PPM1D: variants seen among roughly 807,000 people sequenced by gnomAD.
PPM1D encodes protein phosphatase, Mg2+/Mn2+ dependent 1D.
Under a neutral mutation model 58.3 loss-of-function variants are expected in PPM1D, and 52 were observed. The observed-to-expected ratio is 0.89, with a 90% CI of 0.71 to 1.12. The LOEUF (loss-of-function observed/expected upper bound fraction) is 1.12, where lower values mean the gene tolerates loss of function less well. Ranked by LOEUF, PPM1D falls within the 50% of genes most tolerant of loss-of-function variation. PPM1D has a pLI of 0.00. For synonymous variants in PPM1D, 278 were observed against 285.1 expected (o/e 0.98, Z 0.25); for missense variants, 564 against 777.2 (o/e 0.73, Z 3.26).
In PPM1D at chr17:60,648,061, A is replaced by G; in HGVS notation, c.996A>G (p.Gln332=). Residue 332 remains glutamine (Q), a synonymous_variant, in exon 4 of 6, where the codon CAA becomes CAG. Transcript: ENST00000305921. ...ATGCCATCTCAATGTGCCAGGACCA[A>G]GAGGAGAAAAAATACCTGATGGTGA... ...PQDAISMCQD[Q]EEKKYLMGEH... is the part of the protein sequence containing the mutation. 6.2e-7 allele frequency: 1 copy of G among 1,609,836 alleles called. No homozygotes were observed. The highest frequency in any genetic ancestry group is 1.1e-5 in the South Asian group (1 of 90,168).
At chr17:60,657,117 T>C (rs532441092) in intron 5 of PPM1D, 2 of 1,248,436 alleles carry the variant, frequency 1.6e-6, no homozygotes, top group African/African-American at 3.0e-5. Context: ...CATTTAGAAG[T>C]TTGTGAAGCA....
intron 4 of PPM1D, 134 bp from the exon 5 acceptor site, chr17:60,656,465 A>T: frequency 8.5e-6 from 10 of 1,180,346 alleles, no homozygotes; most frequent in Non-Finnish European, 9.3e-6. Flanking sequence ...AAAAAAAAAA[A>T]GAGAAAAGAA....
intron 1 of PPM1D, among the ~76,000 whole-genome samples, chr17:60,619,069 G>A (rs1011388125): frequency 2.6e-5 from 4 of 152,110 alleles, no homozygotes; most frequent in South Asian, 2.1e-4. Context: ...CCTGGCAACC[G>A]TCCTTCTACT....
intron 4 of PPM1D, among the ~76,000 whole-genome samples, chr17:60,649,735 G>A (rs919072921): frequency 6.6e-6 from 1 of 151,920 alleles, no homozygotes; most frequent in African/African-American, 2.4e-5. Flanking sequence ...AACATACTAG[G>A]TACTAGGTAC....
At position 60,600,455 on chromosome 17, in the gene PPM1D, A is replaced by G; in HGVS notation, c.41A>G (p.Asp14Gly). Residue 14 changes from aspartate (D) to glycine (G), a missense_variant, in exon 1 of 6, where the codon GAC becomes GGC. This residue lies in a region of PPM1D where 132 missense variants were observed against 150.4 expected (regional missense o/e 0.88). Coordinates refer to ENST00000305921, the MANE Select transcript of PPM1D (RefSeq NM_003620.4). ...TCGCTGGGAGTGAGCGTCTTCTCCG[A>G]CCAGGGCGGGAGGAAGTACATGGAG... is the stretch of plus-strand genomic sequence containing the variant. Reference protein sequence around the residue: ...LYSLGVSVFSDQGGRKYMEDV... With the variant: ...LYSLGVSVFSGQGGRKYMEDV... The G allele has an allele frequency of 6.4e-7, 1 of 1,567,302 alleles. No homozygotes were observed. Among genetic ancestry groups the G allele is most frequent in the Non-Finnish European group, 8.7e-7 (1 of 1,156,068 alleles).
At chr17:60,633,747 T>C in intron 2 of PPM1D, 106 bp from the exon 3 acceptor site, 1 of 1,189,354 alleles carries the variant, frequency 8.4e-7, no homozygotes, top group Non-Finnish European at 1.2e-6. Flanking sequence ...TAAGACATTA[T>C]TTTGTAATAA....
chr17:60,619,797 G>A (rs957136515), intron 1 of PPM1D, among the ~76,000 whole-genome samples: 1 of 151,826 alleles, frequency 6.6e-6, no homozygotes, highest in Non-Finnish European at 1.5e-5. Context: ...GATGGGTCTC[G>A]TTATGTTGTC....
intron 1 of PPM1D, among the ~76,000 whole-genome samples, chr17:60,622,836 C>T (rs2030732657): frequency 2.0e-5 from 3 of 152,202 alleles, no homozygotes; most frequent in Admixed American, 2.0e-4. Context: ...GTGGCTCATG[C>T]CCATGATCCC....
chr17:60,657,800 C>T (rs1177349698), intron 5 of PPM1D, among the ~76,000 whole-genome samples: 2 of 152,232 alleles, frequency 1.3e-5, no homozygotes, highest in Non-Finnish European at 2.9e-5. Context: ...AGTGCAATGG[C>T]ATTATCTTGG....
chr17:60,636,866 C>T (rs928662417), intron 3 of PPM1D, among the ~76,000 whole-genome samples: 13 of 151,834 alleles, frequency 8.6e-5, no homozygotes, highest in South Asian at 2.1e-4. Flanking sequence ...TTTGTAGAGA[C>T]GTCTCGCTTT....
At chr17:60,611,622 T>C (rs2030457068) in intron 1 of PPM1D, among the ~76,000 whole-genome samples, 1 of 152,074 alleles carries the variant, frequency 6.6e-6, no homozygotes, top group Admixed American at 6.6e-5. Flanking sequence ...TTTCACCATG[T>C]TTGCCAAGCT....
At chr17:60,622,995 G>C (rs1387451868) in intron 1 of PPM1D, among the ~76,000 whole-genome samples, 1 of 152,150 alleles carries the variant, frequency 6.6e-6, no homozygotes, top group Non-Finnish European at 1.5e-5. Context: ...TACTCGAGAG[G>C]CTGAGTCAGG....
intron 2 of PPM1D, among the ~76,000 whole-genome samples, chr17:60,630,282 ACTATT>A (rs2030894284): frequency 6.6e-6 from 1 of 152,072 alleles, no homozygotes; most frequent in African/African-American, 2.4e-5. Flanking sequence ...ACCTTTCTTG[ACTATT>A]CTTTCTTGTT....
chr17:60,650,505 C>CG (rs1432786524), intron 4 of PPM1D, among the ~76,000 whole-genome samples: 5 of 152,094 alleles, frequency 3.3e-5, no homozygotes, highest in African/African-American at 1.2e-4. Context: ...GAGCTGAGAT[C>CG]GTGCCACTGC....
At chr17:60,654,758 C>T (rs1025974325) in intron 4 of PPM1D, among the ~76,000 whole-genome samples, 1 of 151,122 alleles carries the variant, frequency 6.6e-6, no homozygotes, top group African/African-American at 2.4e-5. Context: ...ATCCCAGCTA[C>T]TTGGGAGGCT....
At chr17:60,632,867 T>C (rs1001347202) in intron 2 of PPM1D, among the ~76,000 whole-genome samples, 4 of 151,622 alleles carry the variant, frequency 2.6e-5, no homozygotes, top group Non-Finnish European at 5.9e-5. Context: ...CTTGGGAGGC[T>C]GAGGCAGAAT....
rs200991181 is a variant in PPM1D, at chr17:60,645,562, G to T, written c.827-2330G>T. 6.0e-5 allele frequency among the ~76,000 whole-genome samples: 8 copies of T among 132,632 alleles called. No individual in the cohort carries two copies. In the Admixed American group the frequency reaches 6.2e-4, roughly 10 times the overall value. 87.0% of individuals were successfully genotyped at this position (132,632 alleles called of 152,430 possible). A position where few individuals can be genotyped will look rare whatever the true frequency, so the allele number is the denominator to read the frequency against. The stretch of plus-strand genomic sequence containing the variant: ...TATATATATGTATATATATGTGTGT[G>T]TATATATATGTATATATATATGTGT... On this transcript the variant is annotated intron_variant, in intron 3 of 5. Coordinates refer to ENST00000305921, the MANE Select transcript of PPM1D (RefSeq NM_003620.4).
At chr17:60,638,629 A>G (rs1302975274) in intron 3 of PPM1D, among the ~76,000 whole-genome samples, 1 of 152,098 alleles carries the variant, frequency 6.6e-6, no homozygotes, top group African/African-American at 2.4e-5. Context: ...TCTGCTTCCC[A>G]AAGTGCTGGG....
At chr17:60,611,981 A>G (rs2030464965) in intron 1 of PPM1D, among the ~76,000 whole-genome samples, 1 of 151,590 alleles carries the variant, frequency 6.6e-6, no homozygotes, top group Non-Finnish European at 1.5e-5. Context: ...GTGCTGTCCA[A>G]TTGACTGGAG....
Sources: gnomAD v4.1 joint callset for allele counts (sites outside exome capture counted in the v4.1 genomes callset) on GRCh38, gnomAD v4.1.1 for gene constraint, gnomAD v4.1.1 regional missense constraint, MANE v1.5 for transcripts, NCBI Gene and HGNC (gene_info 2026-07-23, HGNC 2026-07-21) for gene names.